Variants in SCHIP1 observed in about 807,000 individuals in gnomAD.
SCHIP1 encodes the protein schwannomin-interacting protein 1.
In SCHIP1, 8 loss-of-function variants were observed where a neutral mutation model predicts 29.7. The ratio of observed to expected loss-of-function variants is 0.27; its 90% confidence interval spans 0.16 to 0.49. SCHIP1 has a LOEUF of 0.49. Ranked by LOEUF, SCHIP1 falls within the 20% of genes least tolerant of loss-of-function variation. SCHIP1 has a pLI of 0.99. For missense variants in SCHIP1, 193 were observed against 294.6 expected, an observed-to-expected ratio of 0.66 and a Z score of 2.52; for synonymous variants, 76 against 94.9, an observed-to-expected ratio of 0.80 and a Z score of 1.16.
chr3:159,621,525 A>C, the SCHIP1 span, among the ~76,000 whole-genome samples: 1 of 152,216 alleles, frequency 6.6e-6, no homozygotes, highest in Admixed American at 6.5e-5. Context: ...ACTTGGAGTG[A>C]AACCATTGTG....
chr3:159,621,732 C>A, the SCHIP1 span, among the ~76,000 whole-genome samples: 1 of 151,758 alleles, frequency 6.6e-6, no homozygotes, highest in Non-Finnish European at 1.5e-5. Context: ...ATGGTATGAT[C>A]TCGTCCCACT....
the SCHIP1 span, among the ~76,000 whole-genome samples, chr3:159,443,522 T>C: frequency 1.5e-4 from 23 of 152,260 alleles, no homozygotes; most frequent in African/African-American, 5.5e-4. Flanking sequence ...TATTCCCTTT[T>C]TTTTTGAGAC....
the SCHIP1 span, among the ~76,000 whole-genome samples, chr3:159,276,683 A>C: frequency 6.6e-6 from 1 of 152,204 alleles, no homozygotes; most frequent in East Asian, 1.9e-4. Context: ...TTTCCAGAGA[A>C]TAGAAAAGAG....
chr3:159,335,591 G>A, the SCHIP1 span, among the ~76,000 whole-genome samples: 1 of 152,110 alleles, frequency 6.6e-6, no homozygotes, highest in Non-Finnish European at 1.5e-5. Context: ...AGAACATGTG[G>A]TGATTGGTTT....
chr3:159,813,721 A>G, the SCHIP1 span, among the ~76,000 whole-genome samples: 1 of 151,958 alleles, frequency 6.6e-6, no homozygotes, highest in Non-Finnish European at 1.5e-5. Flanking sequence ...TAAAATTAGG[A>G]GTTCAGGCTC....
the SCHIP1 span, among the ~76,000 whole-genome samples, chr3:159,355,164 A>G: frequency 4.6e-5 from 7 of 152,244 alleles, no homozygotes; most frequent in East Asian, 7.7e-4. Context: ...GCTGGATAGG[A>G]CAGCTAGATG....
intron 1 of SCHIP1, among the ~76,000 whole-genome samples, chr3:159,859,800 G>A (rs1355945685): frequency 1.3e-5 from 2 of 152,198 alleles, no homozygotes; most frequent in African/African-American, 2.4e-5. Flanking sequence ...TTCTCAAAGT[G>A]CCTATGCTAG....
chr3:159,871,416 C>T (rs920586296), intron 2 of SCHIP1, among the ~76,000 whole-genome samples: 2 of 141,044 alleles, frequency 1.4e-5, no homozygotes, highest in African/African-American at 5.0e-5. Flanking sequence ...ATACTTTGTT[C>T]TGTCTTTCTC....
At chr3:159,542,057 A>G in the SCHIP1 span, among the ~76,000 whole-genome samples, 4 of 152,000 alleles carry the variant, frequency 2.6e-5, no homozygotes, top group African/African-American at 9.7e-5. Flanking sequence ...ATTTAATTCT[A>G]CTTTCTTTGT....
At chr3:159,539,187 A>G in the SCHIP1 span, among the ~76,000 whole-genome samples, 1 of 152,088 alleles carries the variant, frequency 6.6e-6, no homozygotes, top group African/African-American at 2.4e-5. Flanking sequence ...GTCTGTCTAC[A>G]CTCTAAAGAG....
the SCHIP1 span, among the ~76,000 whole-genome samples, chr3:159,367,265 G>A: frequency 1.3e-5 from 2 of 152,136 alleles, no homozygotes; most frequent in African/African-American, 4.8e-5. Flanking sequence ...GGTGGCGCAT[G>A]CCTGTAATCC....
chr3:159,450,439 T>C, the SCHIP1 span, among the ~76,000 whole-genome samples: 2 of 152,228 alleles, frequency 1.3e-5, no homozygotes, highest in East Asian at 3.8e-4. Flanking sequence ...ATGGCTCCAC[T>C]CATAAGCAGT....
the SCHIP1 span, among the ~76,000 whole-genome samples, chr3:159,681,326 A>G: frequency 6.6e-6 from 1 of 152,050 alleles, no homozygotes; most frequent in African/African-American, 2.4e-5. Flanking sequence ...AGAAAGGAGA[A>G]TTAAATTCTC....
the SCHIP1 span, among the ~76,000 whole-genome samples, chr3:159,608,950 T>G: frequency 6.6e-6 from 1 of 152,206 alleles, no homozygotes; most frequent in Non-Finnish European, 1.5e-5. Context: ...ATCACTGGCT[T>G]GATTTTTCTA....
At chr3:159,832,656 G>T in the SCHIP1 span, among the ~76,000 whole-genome samples, 1 of 151,990 alleles carries the variant, frequency 6.6e-6, no homozygotes, top group Non-Finnish European at 1.5e-5. Context: ...TCTCCTCCGC[G>T]TCCCTGCAGT....
chr3:159,897,270 A>G (rs1014642845), exon 7 of SCHIP1: 1 of 152,720 alleles, frequency 6.5e-6, no homozygotes, highest in African/African-American at 2.4e-5. Context: ...GTTCCTTTTT[A>G]GATGTGCTAT....
the SCHIP1 span, among the ~76,000 whole-genome samples, chr3:159,720,677 C>T: frequency 1.3e-5 from 2 of 151,924 alleles, no homozygotes. Flanking sequence ...CTCTGCCTCC[C>T]GAGTTCAAGC....
chr3:159,553,221 A>G, the SCHIP1 span, among the ~76,000 whole-genome samples: 1 of 151,834 alleles, frequency 6.6e-6, no homozygotes, highest in Non-Finnish European at 1.5e-5. Flanking sequence ...GAGCAAACAA[A>G]ATGGATATAT....
At chr3:159,402,186 A>G in the SCHIP1 span, among the ~76,000 whole-genome samples, 2 of 152,260 alleles carry the variant, frequency 1.3e-5, no homozygotes, top group Non-Finnish European at 2.9e-5. Context: ...ATAAATGCTC[A>G]TCATCACTGG....
Sources: gnomAD v4.1 joint callset for allele counts (sites outside exome capture counted in the v4.1 genomes callset) on GRCh38, gnomAD v4.1.1 for gene constraint, MANE v1.5 for transcripts, NCBI Gene and HGNC (gene_info 2026-07-23, HGNC 2026-07-21) for gene names.